POU3F3: variants seen among roughly 807,000 people sequenced by gnomAD.
POU3F3 encodes POU class 3 homeobox 3.
A neutral mutation model predicts 8.6 loss-of-function variants in POU3F3; 1 was observed. The observed-to-expected ratio is 0.12, with a 90% CI of 0.04 to 0.55. The LOEUF (loss-of-function observed/expected upper bound fraction) is 0.55. Ranked by LOEUF, POU3F3 falls within the 20% of genes least tolerant of loss-of-function variation. POU3F3 has a pLI of 0.91. For synonymous variants in POU3F3, 418 were observed against 327.4 expected (o/e 1.28, Z -2.99); for missense variants, 577 against 690.7 (o/e 0.84, Z 1.84).
downstream of POU3F3, among the ~76,000 whole-genome samples, chr2:104,861,498 C>T (rs72830492): frequency 2.0e-5 from 3 of 152,234 alleles, no homozygotes; most frequent in Admixed American, 1.3e-4. Flanking sequence ...TAACCTAATA[C>T]CTGACTGTGC....
the POU3F3 span, among the ~76,000 whole-genome samples, chr2:104,869,630 A>T: frequency 2.0e-5 from 3 of 152,214 alleles, no homozygotes; most frequent in African/African-American, 7.2e-5. Flanking sequence ...TCACAGAGTC[A>T]ATAAACCCAG....
At chr2:104,875,005 C>T in the POU3F3 span, among the ~76,000 whole-genome samples, 2 of 152,150 alleles carry the variant, frequency 1.3e-5, no homozygotes, top group African/African-American at 2.4e-5. Flanking sequence ...TTTTCCCCTG[C>T]CCCCAGCCCT....
At position 104,858,316 on chromosome 2, in the gene POU3F3, T is replaced by A. The variant is rs1162324193; in HGVS notation, c.*1303T>A. ...TAGATCCGTTGTTGATCTAAAAATATTTGCTTTATATTTTCATTAAATGAC... is the reference window on the plus strand; with the variant it reads ...TAGATCCGTTGTTGATCTAAAAATAATTGCTTTATATTTTCATTAAATGAC... On this transcript the variant is annotated 3_prime_UTR_variant, in exon 1 of 1. Transcript: ENST00000361360. 6.6e-6 allele frequency: 1 copy of A among 152,234 alleles called. No individual in the cohort carries two copies. The highest frequency in any genetic ancestry group is 2.4e-5 in the African/African-American group (1 of 41,464). The allele number at this position is 152,234 out of a possible 1,614,324, so 9.4% of individuals were successfully genotyped here. A position where few individuals can be genotyped will look rare whatever the true frequency, so the allele number is the denominator to read the frequency against.
the POU3F3 span, among the ~76,000 whole-genome samples, chr2:104,885,149 A>G: frequency 3.3e-5 from 5 of 152,240 alleles, no homozygotes; most frequent in Admixed American, 1.3e-4. Context: ...TTACTGAAAA[A>G]AATGTCTGTC....
chr2:104,873,939 A>C, the POU3F3 span, among the ~76,000 whole-genome samples: 96,113 of 151,948 alleles, frequency 0.63, 30,776 homozygotes, highest in East Asian at 0.89. Context: ...CTTAATACGG[A>C]CCCGGTGTCA....
downstream of POU3F3, among the ~76,000 whole-genome samples, chr2:104,858,982 C>A (rs897266096): frequency 6.6e-6 from 1 of 151,616 alleles, no homozygotes. Flanking sequence ...TTTTTCTTCT[C>A]CTGTCCCCCT....
the POU3F3 span, among the ~76,000 whole-genome samples, chr2:104,911,825 GGA>G: frequency 2.7e-5 from 4 of 150,612 alleles, no homozygotes; most frequent in South Asian, 2.1e-4. Context: ...AGAGAGAGAG[GGA>G]GAGAGAGAGA....
chr2:104,873,225 G>A, the POU3F3 span, among the ~76,000 whole-genome samples: 9 of 152,208 alleles, frequency 5.9e-5, no homozygotes, highest in Admixed American at 5.9e-4. Context: ...GCTGTCGTGT[G>A]CGTCCCAGCT....
At chr2:104,864,018 G>C in the POU3F3 span, among the ~76,000 whole-genome samples, 1 of 152,206 alleles carries the variant, frequency 6.6e-6, no homozygotes, top group Non-Finnish European at 1.5e-5. Context: ...CTTGGCCCAC[G>C]CCTCCGCTTC....
the POU3F3 span, among the ~76,000 whole-genome samples, chr2:104,879,244 G>A: frequency 2.2e-4 from 33 of 151,628 alleles, no homozygotes; most frequent in Non-Finnish European, 4.4e-4. Flanking sequence ...AGAAGAAACC[G>A]AGAGAGGAGC....
chr2:104,860,752 C>CTT (rs1178339577), downstream of POU3F3, among the ~76,000 whole-genome samples: 25 of 50,280 alleles, frequency 5.0e-4, no homozygotes, highest in African/African-American at 1.3e-3. Context: ...GTTGCTCTGC[C>CTT]TTTTTTTTTT....
chr2:104,862,006 G>T (rs1012344072), downstream of POU3F3, among the ~76,000 whole-genome samples: 2 of 152,236 alleles, frequency 1.3e-5, no homozygotes, highest in Admixed American at 1.3e-4. Flanking sequence ...GGGGGTGGGG[G>T]CAGCGGAGAT....
At chr2:104,880,942 A>G in the POU3F3 span, among the ~76,000 whole-genome samples, 1 of 152,204 alleles carries the variant, frequency 6.6e-6, no homozygotes, top group Non-Finnish European at 1.5e-5. Flanking sequence ...TATCGCCTCA[A>G]TGCTCTAAAG....
Position 104,856,957 on chromosome 2 carries a change from A to G in POU3F3, c.1447A>G (p.Thr483Ala), listed in dbSNP as rs960304746. ...CGACGACGTCTACTCGCAGGTGGGC[A>G]CCGTGAGCGCCGACACGCCGCCGCC... ...TPDDVYSQVG[T>A]VSADTPPPHH... is the part of the protein sequence containing the mutation. The change falls in exon 1 of 1, where the codon ACC becomes GCC. Residue 483 changes from threonine to alanine, a missense_variant. Physicochemically the swap from Thr to Ala is moderately conservative, Grantham distance 58 (BLOSUM62 0). Around this residue, in one of 7 missense-constraint regions of POU3F3, gnomAD observed 35 missense variants for 50.3 expected, o/e 0.70. Coordinates refer to ENST00000361360, the MANE Select transcript of POU3F3 (RefSeq NM_006236.3). 3 of 1,612,214 alleles carry G rather than the reference A, an allele frequency of 1.9e-6. No homozygotes were observed. The highest frequency in any genetic ancestry group is 2.5e-6 in the Non-Finnish European group (3 of 1,179,642).
chr2:104,898,298 C>T, the POU3F3 span, among the ~76,000 whole-genome samples: 1 of 152,148 alleles, frequency 6.6e-6, no homozygotes, highest in Non-Finnish European at 1.5e-5. Flanking sequence ...TTCTGCTGTT[C>T]GTACGTCACC....
At chr2:104,866,196 G>A in the POU3F3 span, 2 of 152,136 alleles carry the variant, frequency 1.3e-5, no homozygotes, top group African/African-American at 4.8e-5. Flanking sequence ...TAAGTGAGTG[G>A]CCTTGAGTCC....
chr2:104,891,919 A>G, the POU3F3 span, among the ~76,000 whole-genome samples: 1 of 152,194 alleles, frequency 6.6e-6, no homozygotes, highest in African/African-American at 2.4e-5. Flanking sequence ...GGATAAATAC[A>G]TTATTTAGAC....
chr2:104,857,628 G>C lies in POU3F3; in HGVS notation c.*615G>C, dbSNP rs950061683. ...ACTTTATTTCCTGGGAGCGACCTGA[G>C]AGAAAACAGAGGCACCAGGTTCCAT... On this transcript the variant is annotated 3_prime_UTR_variant, in exon 1 of 1. Coordinates refer to ENST00000361360, the MANE Select transcript of POU3F3 (RefSeq NM_006236.3). 1 of 153,680 alleles carries C rather than the reference G, an allele frequency of 6.5e-6. No individual in the cohort carries two copies. The highest frequency in any genetic ancestry group is 1.5e-5 in the Non-Finnish European group (1 of 68,036). The allele number at this position is 153,680 out of a possible 1,614,324, so 9.5% of individuals were successfully genotyped here. A position where few individuals can be genotyped will look rare whatever the true frequency, so the allele number is the denominator to read the frequency against.
the POU3F3 span, among the ~76,000 whole-genome samples, chr2:104,917,566 G>A: frequency 6.6e-6 from 1 of 152,034 alleles, no homozygotes; most frequent in African/African-American, 2.4e-5. Context: ...TTGAGAAGGG[G>A]GCAGCAGGGA....
Sources: allele counts gnomAD v4.1 joint callset (sites outside exome capture counted in the v4.1 genomes callset), GRCh38; gene constraint gnomAD v4.1.1; regional missense constraint gnomAD v4.1.1; transcripts MANE v1.5; gene names NCBI Gene and HGNC (gene_info 2026-07-23, HGNC 2026-07-21).